SESN3: variants seen among roughly 807,000 people sequenced by gnomAD.
SESN3 encodes sestrin-3.
SESN3 carries 21 observed loss-of-function variants against 55.3 expected under a neutral mutation model. The ratio of observed to expected loss-of-function variants is 0.38; its 90% CI spans 0.27 to 0.55. SESN3 has a LOEUF of 0.55. Ranked by LOEUF, SESN3 falls within the 20% of genes least tolerant of loss-of-function variation. SESN3 has a pLI of 0.76. For synonymous variants in SESN3, 181 were observed against 203.1 expected (o/e 0.89, Z 0.93); for missense variants, 408 against 604.3 (o/e 0.68, Z 3.41).
intron 1 of SESN3, among the ~76,000 whole-genome samples, chr11:95,228,783 G>A (rs1165205916): frequency 6.6e-6 from 1 of 152,166 alleles, no homozygotes; most frequent in Non-Finnish European, 1.5e-5. Flanking sequence ...TGGCAGAGAT[G>A]TGCTCAGCAA....
chr11:95,185,829 G>A lies in SESN3; in HGVS notation c.526-337C>T, dbSNP rs148073090. ...GCTAGATAGGACTTTAAAGATTATC[G>A]AACAAAACCATTCATTTTAAGGTAT... On this transcript the variant is annotated intron_variant, in intron 4 of 9. Coordinates refer to ENST00000536441, the MANE Select transcript of SESN3 (RefSeq NM_144665.4). 4.0e-5 allele frequency among the ~76,000 whole-genome samples: 6 copies of A among 151,758 alleles called. No homozygotes were observed. The South Asian group carries it at 6.2e-4, about 16-fold the overall frequency.
At chr11:95,189,066 T>A (rs574962344) in intron 4 of SESN3, among the ~76,000 whole-genome samples, 1 of 151,900 alleles carries the variant, frequency 6.6e-6, no homozygotes, top group East Asian at 1.9e-4. Context: ...ACCAAGGACA[T>A]TTCTATGCAT....
rs1425967127 is a variant in SESN3 at position 95,188,731 on chromosome 11, A to T, written c.525+1048T>A. 5.9e-5 allele frequency among the ~76,000 whole-genome samples: 9 copies of T among 151,888 alleles called. No homozygotes were observed. In the Admixed American group the frequency reaches 5.9e-4, roughly 10 times the overall value. On this transcript the variant is annotated intron_variant, in intron 4 of 9. Transcript: ENST00000536441. ...TTCTGGTCCCATTCTCTTTATTCAT[A>T]CATTCATACACTGTTGTACTGTGAT...
At chr11:95,213,557 A>G (rs1002366806) in intron 1 of SESN3, among the ~76,000 whole-genome samples, 1 of 152,194 alleles carries the variant, frequency 6.6e-6, no homozygotes, top group Non-Finnish European at 1.5e-5. Context: ...AGAACAAGGG[A>G]GGCAGGCTGC....
intron 1 of SESN3, among the ~76,000 whole-genome samples, chr11:95,204,331 A>T (rs188031059): frequency 5.1e-4 from 77 of 152,272 alleles, no homozygotes; most frequent in Non-Finnish European, 3.2e-4. Context: ...TATTACAACA[A>T]AGTTTTTGTA....
At chr11:95,229,771 C>T (rs994748301) in intron 1 of SESN3, among the ~76,000 whole-genome samples, 2 of 152,116 alleles carry the variant, frequency 1.3e-5, no homozygotes, top group African/African-American at 4.8e-5. Flanking sequence ...CTTTCAGTCC[C>T]GATGCATTTG....
At chr11:95,179,200 G>T (rs1860015938) in intron 6 of SESN3, among the ~76,000 whole-genome samples, 1 of 151,842 alleles carries the variant, frequency 6.6e-6, no homozygotes, top group African/African-American at 2.4e-5. Context: ...TGTCGCCCTG[G>T]CTGGAGTGCA....
intron 1 of SESN3, among the ~76,000 whole-genome samples, chr11:95,210,740 A>G (rs1860639328): frequency 6.6e-6 from 1 of 152,236 alleles, no homozygotes; most frequent in Admixed American, 6.5e-5. Context: ...TTATTATTCC[A>G]ATATACTAGA....
At position 95,186,122 on chromosome 11, in the gene SESN3, A is replaced by G. The variant is rs569152680; in HGVS notation, c.526-630T>C. On this transcript the variant is annotated intron_variant, in intron 4 of 9. Transcript: ENST00000536441. ...TCCACTTTGTCCAAGAGTGAATTCC[A>G]CCAATTAATCCATCAGGGATTCTTT... Among the ~76,000 whole-genome samples the G allele has an allele frequency of 2.0e-5, 3 of 151,726 alleles. No homozygotes were observed. In the East Asian group the frequency reaches 5.8e-4, roughly 29 times the overall value.
At chr11:95,210,121 A>T (rs573595852) in intron 1 of SESN3, among the ~76,000 whole-genome samples, 5 of 152,206 alleles carry the variant, frequency 3.3e-5, no homozygotes, top group South Asian at 2.1e-4. Flanking sequence ...ACAGAAACAG[A>T]AAACCAAACA....
At chr11:95,179,204 G>T (rs1860016055) in intron 6 of SESN3, among the ~76,000 whole-genome samples, 1 of 151,910 alleles carries the variant, frequency 6.6e-6, no homozygotes, top group Non-Finnish European at 1.5e-5. Flanking sequence ...GCCCTGGCTG[G>T]AGTGCAGTGG....
At chr11:95,187,626 T>A (rs1565465843) in intron 4 of SESN3, among the ~76,000 whole-genome samples, 1 of 151,926 alleles carries the variant, frequency 6.6e-6, no homozygotes, top group Non-Finnish European at 1.5e-5. Context: ...GGGAGGGAAG[T>A]ACTCTTGCTA....
intron 1 of SESN3, among the ~76,000 whole-genome samples, chr11:95,219,984 C>A (rs1468209191): frequency 1.2e-4 from 19 of 152,238 alleles, no homozygotes; most frequent in African/African-American, 4.6e-4. Context: ...ATGGAAAACT[C>A]TCAGAATAAG....
chr11:95,215,989 T>C (rs1044195649), intron 1 of SESN3, among the ~76,000 whole-genome samples: 3 of 151,508 alleles, frequency 2.0e-5, no homozygotes, highest in Non-Finnish European at 4.4e-5. Flanking sequence ...TCCCAGCTAC[T>C]TGGGAGGCTG....
chr11:95,199,508 T>C (rs1860423466), intron 1 of SESN3, among the ~76,000 whole-genome samples: 1 of 152,056 alleles, frequency 6.6e-6, no homozygotes, highest in South Asian at 2.1e-4. Flanking sequence ...AAGCAACTTA[T>C]TAGATCCCTT....
intron 1 of SESN3, among the ~76,000 whole-genome samples, chr11:95,217,440 C>T: frequency 6.6e-6 from 1 of 152,144 alleles, no homozygotes; most frequent in East Asian, 1.9e-4. Context: ...CACTTGAGGT[C>T]AGGAGTTCAA....
chr11:95,197,288 G>C (rs183926333), intron 1 of SESN3, among the ~76,000 whole-genome samples: 1 of 152,092 alleles, frequency 6.6e-6, no homozygotes, highest in East Asian at 1.9e-4. Flanking sequence ...CCTAGGTCTA[G>C]GAACCACCAT....
At chr11:95,194,338 T>C (rs923479284) in intron 1 of SESN3, among the ~76,000 whole-genome samples, 2 of 152,070 alleles carry the variant, frequency 1.3e-5, no homozygotes, top group Non-Finnish European at 2.9e-5. Flanking sequence ...AAACACAAAA[T>C]AGTTATTTAT....
At chr11:95,192,045 G>C (rs982400470) in intron 2 of SESN3, among the ~76,000 whole-genome samples, 1 of 151,878 alleles carries the variant, frequency 6.6e-6, no homozygotes, top group East Asian at 1.9e-4. Context: ...CTAATCCTTT[G>C]CTTGCTTTTG....
Sources: allele counts gnomAD v4.1 joint callset (sites outside exome capture counted in the v4.1 genomes callset), GRCh38; gene constraint gnomAD v4.1.1; transcripts MANE v1.5; gene names NCBI Gene and HGNC (gene_info 2026-07-23, HGNC 2026-07-21).